Variants in RALYL observed in about 807,000 individuals in gnomAD.
RALYL encodes the protein RNA-binding Raly-like protein.
Under a neutral mutation model 35.1 loss-of-function variants are expected in RALYL, and 29 were observed. The observed-to-expected ratio is 0.83, with a 90% CI of 0.61 to 1.13. The LOEUF is 1.13. RALYL is among the 50% of genes most tolerant of loss of function. The pLI, the probability that RALYL is intolerant of heterozygous loss-of-function variation, is 0.00. For missense variants in RALYL, 359 were observed against 360.4 expected (o/e 1.00, Z 0.03); for synonymous variants, 120 against 127.6 (o/e 0.94, Z 0.40).
At position 84,836,213 on chromosome 8, in the gene RALYL, T is replaced by A. The variant is rs557895996; in HGVS notation, c.366-13767T>A. On this transcript the variant is annotated intron_variant, in intron 4 of 8. Coordinates refer to ENST00000521268, the MANE Select transcript of RALYL (RefSeq NM_173848.7). Reference sequence around the variant, plus strand: ...TCCTTTTCTCATTTCCAAAATTTACTCTTCCTACATTCTGTCACTGGTCTA... The same window carrying A: ...TCCTTTTCTCATTTCCAAAATTTACACTTCCTACATTCTGTCACTGGTCTA... 1.6e-4 allele frequency among the ~76,000 whole-genome samples: 25 copies of A among 152,308 alleles called. No homozygotes were observed. In the South Asian group the frequency reaches 4.8e-3, roughly 29 times the overall value.
intron 4 of RALYL, among the ~76,000 whole-genome samples, chr8:84,815,957 C>T (rs1270585614): frequency 6.8e-6 from 1 of 147,560 alleles, no homozygotes; most frequent in Non-Finnish European, 1.5e-5. Flanking sequence ...TCATCTGAAC[C>T]GGGGAGTCAG....
At chr8:84,482,915 G>A (rs2054199849) in intron 1 of RALYL, among the ~76,000 whole-genome samples, 2 of 152,052 alleles carry the variant, frequency 1.3e-5, no homozygotes, top group Non-Finnish European at 2.9e-5. Flanking sequence ...GCCATGAAGT[G>A]AAAATGGCAC....
intron 2 of RALYL, among the ~76,000 whole-genome samples, chr8:84,710,985 G>A (rs966428713): frequency 2.0e-5 from 3 of 152,118 alleles, no homozygotes; most frequent in Non-Finnish European, 4.4e-5. Context: ...GGAATGTGGA[G>A]TGAGGAATTT....
intron 1 of RALYL, among the ~76,000 whole-genome samples, chr8:84,290,984 C>A (rs1838675492): frequency 6.7e-6 from 1 of 149,600 alleles, no homozygotes; most frequent in African/African-American, 2.5e-5. Flanking sequence ...TTTTCCATAT[C>A]TATTACTTTT....
chr8:84,192,896 T>G (rs538834785), intron 1 of RALYL, among the ~76,000 whole-genome samples: 264 of 103,508 alleles, frequency 2.6e-3, no homozygotes, highest in Non-Finnish European at 4.1e-3. Flanking sequence ...AGTGTGTGTG[T>G]GTGTGTGTGT....
At chr8:84,468,516 G>C (rs1361979948) in intron 1 of RALYL, among the ~76,000 whole-genome samples, 3 of 149,828 alleles carry the variant, frequency 2.0e-5, no homozygotes, top group Non-Finnish European at 4.5e-5. Flanking sequence ...GAGATCTGCT[G>C]TTAGTCTGAT....
intron 2 of RALYL, among the ~76,000 whole-genome samples, chr8:84,625,881 G>A (rs1030606314): frequency 6.6e-6 from 1 of 152,172 alleles, no homozygotes; most frequent in Non-Finnish European, 1.5e-5. Context: ...ACAGAAGAGT[G>A]TCATGGTCAA....
chr8:84,444,921 TAGAA>T (rs1272247666), intron 1 of RALYL, among the ~76,000 whole-genome samples: 4 of 151,974 alleles, frequency 2.6e-5, no homozygotes, highest in Admixed American at 2.0e-4. Context: ...GAACTTAGAT[TAGAA>T]AGAAACCAGT....
intron 1 of RALYL, among the ~76,000 whole-genome samples, chr8:84,439,955 T>C (rs1024346469): frequency 5.3e-5 from 8 of 152,148 alleles, no homozygotes; most frequent in Non-Finnish European, 1.2e-4. Context: ...GTAAGCATAA[T>C]GATATGTGCA....
chr8:84,260,693 G>A (rs1243070988), intron 1 of RALYL, among the ~76,000 whole-genome samples: 1 of 152,140 alleles, frequency 6.6e-6, no homozygotes, highest in Non-Finnish European at 1.5e-5. Context: ...GACCATAGTT[G>A]CATGTAGCCT....
intron 2 of RALYL, among the ~76,000 whole-genome samples, chr8:84,568,056 A>G (rs919408672): frequency 6.7e-6 from 1 of 150,188 alleles, no homozygotes; most frequent in Non-Finnish European, 1.5e-5. Flanking sequence ...TTTAAATTTT[A>G]TTATTATTAT....
At chr8:84,804,974 G>T (rs1824245976) in intron 4 of RALYL, among the ~76,000 whole-genome samples, 172 bp downstream of exon 4, 1 of 152,146 alleles carries the variant, frequency 6.6e-6, no homozygotes, top group Non-Finnish European at 1.5e-5. Flanking sequence ...TCCCTAGGTT[G>T]TATTGTGACC....
rs565424780 is a variant in RALYL, at chr8:84,515,844, C to T, written c.-23-13455C>T. Among the ~76,000 whole-genome samples the T allele has an allele frequency of 1.1e-4, 16 of 152,234 alleles. 1 individual carries two copies. The South Asian group carries it at 3.3e-3, about 32-fold the overall frequency. On this transcript the variant is annotated intron_variant, in intron 1 of 8. Transcript: ENST00000521268. ...TTAACCTACCAGAAAGATTTCTCCT[C>T]TGGTAGAATCTGTGATTGCTCCTGT...
At chr8:84,553,702 T>C (rs1177384641) in intron 2 of RALYL, among the ~76,000 whole-genome samples, 1 of 152,088 alleles carries the variant, frequency 6.6e-6, no homozygotes, top group Non-Finnish European at 1.5e-5. Context: ...CATTTTCTTA[T>C]TGTGCCTGGA....
At chr8:84,791,672 T>A (rs1820811348) in intron 3 of RALYL, among the ~76,000 whole-genome samples, 2 of 152,154 alleles carry the variant, frequency 1.3e-5, no homozygotes, top group African/African-American at 2.4e-5. Flanking sequence ...ATGTTACTGA[T>A]TGATTTTGAA....
chr8:84,756,753 A>G (rs1439972376), intron 2 of RALYL, among the ~76,000 whole-genome samples: 1 of 151,168 alleles, frequency 6.6e-6, no homozygotes, highest in African/African-American at 2.4e-5. Flanking sequence ...AGGCAAAAGC[A>G]TTATAAAAGA....
intron 1 of RALYL, among the ~76,000 whole-genome samples, chr8:84,470,240 A>G (rs2052533235): frequency 6.6e-6 from 1 of 152,226 alleles, no homozygotes; most frequent in Non-Finnish European, 1.5e-5. Context: ...CATAGAATAT[A>G]GAGGCAATAA....
At chr8:84,864,435 A>G (rs997227387) in intron 6 of RALYL, among the ~76,000 whole-genome samples, 4 of 152,192 alleles carry the variant, frequency 2.6e-5, no homozygotes, top group African/African-American at 9.7e-5. Flanking sequence ...TGTAAGGACA[A>G]TCAAGACAAA....
chr8:84,445,736 C>A (rs1173421949), intron 1 of RALYL, among the ~76,000 whole-genome samples: 2 of 151,472 alleles, frequency 1.3e-5, no homozygotes, highest in African/African-American at 2.4e-5. Context: ...AATGTGTTTG[C>A]ATTAATTGAA....
Sources: allele counts gnomAD v4.1 joint callset (sites outside exome capture counted in the v4.1 genomes callset), GRCh38; gene constraint gnomAD v4.1.1; transcripts MANE v1.5; gene names NCBI Gene and HGNC (gene_info 2026-07-23, HGNC 2026-07-21).